The following POU6F2 variants were observed in gnomAD, a reference collection of about 807,000 sequenced individuals.
POU6F2 encodes POU domain, class 6, transcription factor 2.
POU6F2 carries 31 observed loss-of-function variants against 71.3 expected under a neutral mutation model. The ratio of observed to expected loss-of-function variants is 0.43; its 90% CI spans 0.33 to 0.59. The LOEUF is 0.59. Among genes scored for constraint, POU6F2 ranks in the 20% least tolerant of loss-of-function variants. The pLI is 0.04. For missense variants in POU6F2, 783 were observed against 856.8 expected (o/e 0.91, Z 1.07); for synonymous variants, 347 against 355.7 (o/e 0.98, Z 0.27).
At chr7:39,383,974 C>T (rs1214557895) in intron 5 of POU6F2, among the ~76,000 whole-genome samples, 1 of 152,168 alleles carries the variant, frequency 6.6e-6, no homozygotes, top group African/African-American at 2.4e-5. Flanking sequence ...ATCATCTTCT[C>T]CCCAGAACGT....
chr7:39,435,393 A>G lies in POU6F2; in HGVS notation c.1320+2110A>G, dbSNP rs113968770. ...ATTTCTCTGATGATCTGTGATGTTG[A>G]GCTTTTTTTCATATGTTTGTTGGCT... On this transcript the variant is annotated intron_variant, in intron 7 of 9. Coordinates refer to ENST00000518318, the MANE Select transcript of POU6F2 (RefSeq NM_001370959.1). Among the ~76,000 whole-genome samples the G allele has an allele frequency of 6.3e-4, 95 of 151,914 alleles. No homozygotes were observed. The Middle Eastern group carries it at 0.01, about 16-fold the overall frequency.
At chr7:39,098,318 C>T (rs528885053) in intron 2 of POU6F2, among the ~76,000 whole-genome samples, 29 of 152,024 alleles carry the variant, frequency 1.9e-4, no homozygotes, top group Non-Finnish European at 3.4e-4. Context: ...TGCTCTATCA[C>T]CCAGGCTGGA....
rs551058264 is a variant in POU6F2, at chr7:39,221,055, T to C, written c.598+13435T>C. Among the ~76,000 whole-genome samples, 3 of 152,302 alleles carry C rather than the reference T, an allele frequency of 2.0e-5. No individual in the cohort carries two copies. In the South Asian group the frequency reaches 6.2e-4, roughly 32 times the overall value. On this transcript the variant is annotated intron_variant, in intron 4 of 9. Transcript: ENST00000518318. ...ATCTTATTAAAAATAATTTCAGCTTTAAATTTTTTTAAAATATGGACACCA... is the reference window on the plus strand; with the variant it reads ...ATCTTATTAAAAATAATTTCAGCTTCAAATTTTTTTAAAATATGGACACCA...
intron 9 of POU6F2, among the ~76,000 whole-genome samples, chr7:39,463,148 A>G (rs1193891098): frequency 6.6e-6 from 1 of 152,244 alleles, no homozygotes; most frequent in Non-Finnish European, 1.5e-5. Flanking sequence ...GAATAAACAA[A>G]CAAACGAATA....
chr7:39,007,115 T>G (rs1789096199), intron 1 of POU6F2, among the ~76,000 whole-genome samples: 1 of 152,250 alleles, frequency 6.6e-6, no homozygotes, highest in Non-Finnish European at 1.5e-5. Flanking sequence ...AACACCTACA[T>G]TGACTATATA....
chr7:39,406,994 C>T (rs1787447827), intron 6 of POU6F2, among the ~76,000 whole-genome samples: 1 of 151,946 alleles, frequency 6.6e-6, no homozygotes, highest in Non-Finnish European at 1.5e-5. Context: ...ATGTTATGAC[C>T]TTATATGAAG....
chr7:39,378,869 T>A (rs1456139370), intron 5 of POU6F2, among the ~76,000 whole-genome samples: 1 of 152,236 alleles, frequency 6.6e-6, no homozygotes, highest in African/African-American at 2.4e-5. Context: ...AACAGAATTA[T>A]GTAGTTCTTT....
chr7:39,352,830 C>T (rs115819241), intron 5 of POU6F2, among the ~76,000 whole-genome samples: 161 of 152,060 alleles, frequency 1.1e-3, no homozygotes, highest in Middle Eastern at 3.4e-3. Context: ...GTTTGGGCTT[C>T]TATTGCTTCC....
In POU6F2 at chr7:39,168,364, T is replaced by A. The variant is rs563162384; in HGVS notation, c.278-35871T>A. Among the ~76,000 whole-genome samples the A allele has an allele frequency of 2.0e-3, 302 of 152,358 alleles. 1 individual carries two copies. The highest frequency in any genetic ancestry group is 7.1e-3 in the African/African-American group (295 of 41,582). On this transcript the variant is annotated intron_variant, in intron 2 of 9. Transcript: ENST00000518318. ...TTTTAAATGACTTGTCTAAGGTCTC[T>A]AATTAATGGCTGTGTTGATTCTGGA...
intron 5 of POU6F2, among the ~76,000 whole-genome samples, chr7:39,359,475 G>A (rs1001693106): frequency 6.6e-6 from 1 of 152,068 alleles, no homozygotes; most frequent in Non-Finnish European, 1.5e-5. Context: ...AACAGCCTTT[G>A]TATTAAAATA....
rs180955841 is a variant in POU6F2, at chr7:39,443,355, C to T, written c.1321-8178C>T. Among the ~76,000 whole-genome samples the T allele has an allele frequency of 3.3e-4, 50 of 152,304 alleles. 1 individual carries two copies. The highest frequency in any genetic ancestry group is 2.4e-3 in the Admixed American group (36 of 15,302). ...TATGTGCACCTCTCAGGTATGTGCA[C>T]GCTGAGAGAACACGTGAGCGCAGCG... is the stretch of plus-strand genomic sequence containing the variant. On this transcript the variant is annotated intron_variant, in intron 7 of 9. Transcript: ENST00000518318.
Position 39,339,882 on chromosome 7 carries a change from A to G in POU6F2, c.839A>G (p.His280Arg). ...QLQQAPQPQQ[H>R]QPHSHSQNQN... Reference sequence around the variant, plus strand: ...CAACAGGCGCCTCAGCCCCAGCAGCACCAACCCCACTCCCACTCCCAGAAC... The same window carrying G: ...CAACAGGCGCCTCAGCCCCAGCAGCGCCAACCCCACTCCCACTCCCAGAAC... Residue 280 changes from histidine to arginine, a missense_variant, in exon 5 of 10, where the codon CAC (histidine) becomes CGC (arginine). His to Arg is a conservative substitution (Grantham distance 29). Transcript: ENST00000518318. 2 of 1,613,278 alleles carry G rather than the reference A, an allele frequency of 1.2e-6. No homozygotes were observed. Among genetic ancestry groups the G allele is most frequent in the Non-Finnish European group, 1.7e-6 (2 of 1,179,648 alleles).
chr7:39,249,084 C>G (rs1414234946), intron 4 of POU6F2, among the ~76,000 whole-genome samples: 1 of 152,202 alleles, frequency 6.6e-6, no homozygotes, highest in Non-Finnish European at 1.5e-5. Flanking sequence ...TTCCACCCAT[C>G]CATGCCTCCT....
intron 4 of POU6F2, among the ~76,000 whole-genome samples, chr7:39,323,765 TA>T (rs1252917985): frequency 6.7e-6 from 1 of 148,554 alleles, no homozygotes; most frequent in African/African-American, 2.5e-5. Flanking sequence ...GTTAATTTAA[TA>T]AATGAGAGAG....
At chr7:39,170,008 C>T (rs549280002) in intron 2 of POU6F2, among the ~76,000 whole-genome samples, 1 of 152,144 alleles carries the variant, frequency 6.6e-6, no homozygotes, top group South Asian at 2.1e-4. Flanking sequence ...CATGGCGAAA[C>T]CCTGTTTCTA....
intron 6 of POU6F2, among the ~76,000 whole-genome samples, chr7:39,415,198 A>G (rs958881153): frequency 2.6e-5 from 4 of 151,864 alleles, no homozygotes; most frequent in African/African-American, 9.7e-5. Flanking sequence ...TAATTTTTGT[A>G]TTTTTAGTAG....
intron 3 of POU6F2, among the ~76,000 whole-genome samples, chr7:39,205,085 G>A (rs533459890): frequency 3.8e-4 from 57 of 151,828 alleles, no homozygotes; most frequent in African/African-American, 1.2e-3. Flanking sequence ...GTGAGGGTTG[G>A]CCTTGACATT....
At chr7:39,247,029 A>G (rs1035820787) in intron 4 of POU6F2, among the ~76,000 whole-genome samples, 58 of 149,034 alleles carry the variant, frequency 3.9e-4, no homozygotes, top group African/African-American at 1.3e-3. Flanking sequence ...GCCTGTAACC[A>G]CTCTGACTGA....
intron 5 of POU6F2, among the ~76,000 whole-genome samples, chr7:39,343,309 A>G (rs1785959349): frequency 6.6e-6 from 1 of 152,112 alleles, no homozygotes; most frequent in Non-Finnish European, 1.5e-5. Flanking sequence ...CCCACAGTCC[A>G]CAGGCTGTGC....
Sources: allele counts gnomAD v4.1 joint callset (sites outside exome capture counted in the v4.1 genomes callset), GRCh38; gene constraint gnomAD v4.1.1; transcripts MANE v1.5; gene names NCBI Gene and HGNC (gene_info 2026-07-23, HGNC 2026-07-21).